DNAH12: variants seen among roughly 807,000 people sequenced by gnomAD.
DNAH12 encodes axonemal beta dynein heavy chain 12.
DNAH12 carries 285 observed loss-of-function variants against 371.5 expected under a neutral mutation model. That is an observed-to-expected ratio of 0.77 (90% CI 0.70 to 0.85). The LOEUF (loss-of-function observed/expected upper bound fraction) is 0.85. DNAH12 is among the 40% of genes least tolerant of loss of function. The probability of loss-of-function intolerance (pLI) is 0.00; values close to 1 mark genes in which losing one functional copy is unlikely to be tolerated. For synonymous variants in DNAH12, 1,200 were observed against 1,213.0 expected (o/e 0.99, Z 0.22); for missense variants, 3,611 against 3,689.4 (o/e 0.98, Z 0.55).
chr3:57,530,699 G>C (rs886166019), intron 2 of DNAH12: 1 of 403,050 alleles, frequency 2.5e-6, no homozygotes. Flanking sequence ...TCTTGGTACG[G>C]ACCAGTTTGT....
At chr3:57,530,090 A>G (rs1032892592) in intron 2 of DNAH12, among the ~76,000 whole-genome samples, 1 of 152,124 alleles carries the variant, frequency 6.6e-6, no homozygotes, top group Non-Finnish European at 1.5e-5. Context: ...CATTGTGGTC[A>G]GAGAAGGTGC....
intron 43 of DNAH12, among the ~76,000 whole-genome samples, chr3:57,400,244 T>C: frequency 6.6e-6 from 1 of 152,218 alleles, no homozygotes; most frequent in Middle Eastern, 3.4e-3. Flanking sequence ...GCTGATATCG[T>C]GCCACTGCAC....
chr3:57,411,526 C>CAAAAAAAAA (rs57344840), intron 39 of DNAH12, among the ~76,000 whole-genome samples: 47 of 39,080 alleles, frequency 1.2e-3, no homozygotes, highest in East Asian at 5.3e-3. Flanking sequence ...GACACTGTCT[C>CAAAAAAAAA]AAAAAAAAAA....
intron 2 of DNAH12, among the ~76,000 whole-genome samples, chr3:57,534,508 CTTTTTT>C (rs35588123): frequency 1.8e-5 from 2 of 108,844 alleles, no homozygotes; most frequent in Non-Finnish European, 3.5e-5. Flanking sequence ...TGTTAGCTAG[CTTTTTT>C]TTTTTTTTTT....
At chr3:57,300,227 C>G (rs188847455) in intron 70 of DNAH12, among the ~76,000 whole-genome samples, 27 of 152,280 alleles carry the variant, frequency 1.8e-4, no homozygotes, top group Middle Eastern at 3.4e-3. Context: ...AATTGTTTTA[C>G]TGACCATGAC....
rs1380355302 is a variant in DNAH12 at position 57,428,318 on chromosome 3, T to C, written c.5253+315A>G. The C allele has an allele frequency of 5.6e-6, 6 of 1,066,160 alleles. No homozygotes were observed. In the East Asian group the frequency reaches 1.6e-4, roughly 28 times the overall value. The allele number at this position is 1,066,160 out of a possible 1,614,324, so 66.0% of individuals were successfully genotyped here. On this transcript the variant is annotated intron_variant, in intron 34 of 73. Transcript: ENST00000495027. Reference sequence around the variant, plus strand: ...AAGTTTTCTCATAAAATACTAAATATTGAATAACTCATAAACTCACTAAAT... The same window carrying C: ...AAGTTTTCTCATAAAATACTAAATACTGAATAACTCATAAACTCACTAAAT...
intron 12 of DNAH12, among the ~76,000 whole-genome samples, chr3:57,484,961 T>C (rs753765704): frequency 2.6e-5 from 4 of 152,064 alleles, no homozygotes; most frequent in East Asian, 1.9e-4. Context: ...ATCAGGGAAA[T>C]GCAAATTAAA....
At chr3:57,317,067 C>A (rs2061701464) in intron 65 of DNAH12, among the ~76,000 whole-genome samples, 1 of 152,194 alleles carries the variant, frequency 6.6e-6, no homozygotes. Context: ...TATATTTAAA[C>A]TAACTGAAAT....
chr3:57,428,203 T>C, intron 34 of DNAH12: 1 of 450,136 alleles, frequency 2.2e-6, no homozygotes, highest in Non-Finnish European at 3.8e-6. Context: ...TGTGCTGGGA[T>C]TATAGGAGTG....
chr3:57,428,521 A>G (rs1237586488), intron 34 of DNAH12, 112 bp downstream of exon 34: 11 of 1,523,398 alleles, frequency 7.2e-6, no homozygotes, highest in Middle Eastern at 1.7e-4. Context: ...TAGTAAATGC[A>G]TAAGGACAAA....
chr3:57,509,975 C>A (rs779481983), intron 5 of DNAH12, among the ~76,000 whole-genome samples: 2 of 150,216 alleles, frequency 1.3e-5, no homozygotes, highest in East Asian at 3.9e-4. Flanking sequence ...TATGTTCCCA[C>A]CACACACAAA....
intron 4 of DNAH12, chr3:57,519,818 G>T: frequency 7.6e-7 from 1 of 1,310,214 alleles, no homozygotes; most frequent in Non-Finnish European, 1.1e-6. Flanking sequence ...TTTTCAGCTT[G>T]ACATCTGAGA....
intron 2 of DNAH12, among the ~76,000 whole-genome samples, chr3:57,537,776 C>A (rs1470090438): frequency 6.6e-6 from 1 of 151,674 alleles, no homozygotes; most frequent in Non-Finnish European, 1.5e-5. Context: ...CCTCCGCCTC[C>A]AGGGTTCAAG....
At chr3:57,305,725 G>A (rs1010751090) in intron 69 of DNAH12, among the ~76,000 whole-genome samples, 12 of 151,978 alleles carry the variant, frequency 7.9e-5, no homozygotes, top group Admixed American at 1.3e-4. Flanking sequence ...TACCCAATCC[G>A]CTTCTGACTT....
chr3:57,389,798 ATGTGTGTGTGTGTGTGTGTGTG>A (rs1211815764), intron 45 of DNAH12, among the ~76,000 whole-genome samples: 2 of 92,562 alleles, frequency 2.2e-5, no homozygotes, highest in African/African-American at 6.7e-5. Context: ...ATATACACAT[ATGTGTGTGTGTGTGTGTGTGTG>A]TGTATATATA....
chr3:57,500,499 C>T (rs1277009286), intron 11 of DNAH12, among the ~76,000 whole-genome samples: 2 of 152,182 alleles, frequency 1.3e-5, no homozygotes, highest in African/African-American at 4.8e-5. Flanking sequence ...CTTCCATGTA[C>T]TGTGTCCCTG....
chr3:57,306,616 T>C (rs1482192645), intron 69 of DNAH12, among the ~76,000 whole-genome samples: 2 of 152,136 alleles, frequency 1.3e-5, no homozygotes, highest in Non-Finnish European at 2.9e-5. Context: ...CGACCGATCA[T>C]GCACCCCTTA....
chr3:57,344,470 T>C (rs1374110019), intron 60 of DNAH12, among the ~76,000 whole-genome samples: 1 of 152,200 alleles, frequency 6.6e-6, no homozygotes, highest in Non-Finnish European at 1.5e-5. Context: ...AATCATTATA[T>C]TGAAGAGATG....
chr3:57,490,559 G>A (rs2067080939), intron 11 of DNAH12, among the ~76,000 whole-genome samples: 1 of 152,044 alleles, frequency 6.6e-6, no homozygotes, highest in African/African-American at 2.4e-5. Flanking sequence ...CACCTTTAAT[G>A]TTTCTATCTG....
Sources: gnomAD v4.1 joint callset for allele counts (sites outside exome capture counted in the v4.1 genomes callset) on GRCh38, gnomAD v4.1.1 for gene constraint, MANE v1.5 for transcripts, NCBI Gene and HGNC (gene_info 2026-07-23, HGNC 2026-07-21) for gene names.